Variants in GPRIN3 observed in about 807,000 individuals in gnomAD.
GPRIN3 encodes the protein GPRIN family member 3.
GPRIN3 carries 12 observed loss-of-function variants against 13.7 expected under a neutral mutation model. The ratio of observed to expected loss-of-function variants is 0.87; its 90% CI spans 0.56 to 1.42. The LOEUF is 1.42. Ranked by LOEUF, GPRIN3 falls within the 40% of genes most tolerant of loss-of-function variation. GPRIN3 has a pLI of 0.00. For synonymous variants in GPRIN3, 377 were observed against 372.7 expected (o/e 1.01, Z -0.13); for missense variants, 1,009 against 958.7 (o/e 1.05, Z -0.69).
intron 1 of GPRIN3, among the ~76,000 whole-genome samples, chr4:89,254,095 G>A (rs1046337781): frequency 1.0e-4 from 15 of 146,130 alleles, no homozygotes; most frequent in Non-Finnish European, 1.7e-4. Flanking sequence ...CAGACTTAAT[G>A]AGTCCCTTCT....
At chr4:89,303,706 A>G (rs759434595) in intron 1 of GPRIN3, among the ~76,000 whole-genome samples, 2 of 151,228 alleles carry the variant, frequency 1.3e-5, no homozygotes, top group Non-Finnish European at 2.9e-5. Flanking sequence ...TGGTTCCACT[A>G]CAGACACCGT....
chr4:89,279,976 G>A (rs772441821), intron 1 of GPRIN3, among the ~76,000 whole-genome samples: 11 of 152,072 alleles, frequency 7.2e-5, no homozygotes, highest in Non-Finnish European at 1.0e-4. Flanking sequence ...TATTGATATC[G>A]TAAATTAAAT....
intron 1 of GPRIN3, among the ~76,000 whole-genome samples, chr4:89,305,128 T>C (rs1045718480): frequency 6.6e-6 from 1 of 152,204 alleles, no homozygotes; most frequent in Non-Finnish European, 1.5e-5. Context: ...TGGATCCTGC[T>C]GCCCTCTCCA....
Position 89,238,913 on chromosome 4 carries a change from A to T in GPRIN3, c.*8867T>A, listed in dbSNP as rs1187662547. 2.0e-5 allele frequency: 3 copies of T among 152,174 alleles called. No individual in the cohort carries two copies. The highest frequency in any genetic ancestry group is 4.4e-5 in the Non-Finnish European group (3 of 68,022). 9.4% of individuals were successfully genotyped at this position (152,174 alleles called of 1,614,324 possible). ...GAGATGCAAAAAAATCATAATCTAAATTTTTTGATGGTAAAACTAAGTCAT... is the reference window on the plus strand; with the variant it reads ...GAGATGCAAAAAAATCATAATCTAATTTTTTTGATGGTAAAACTAAGTCAT... On this transcript the variant is annotated 3_prime_UTR_variant, in exon 2 of 2. Coordinates refer to ENST00000609438, the MANE Select transcript of GPRIN3 (RefSeq NM_198281.3).
At chr4:89,299,330 A>G (rs572790997) in intron 1 of GPRIN3, among the ~76,000 whole-genome samples, 4 of 152,260 alleles carry the variant, frequency 2.6e-5, no homozygotes, top group Admixed American at 2.6e-4. Flanking sequence ...ATTAATAATT[A>G]GATGAGGGGA....
intron 1 of GPRIN3, among the ~76,000 whole-genome samples, chr4:89,281,338 G>A (rs1490489770): frequency 2.0e-5 from 3 of 152,120 alleles, no homozygotes; most frequent in African/African-American, 4.8e-5. Context: ...TGGCCAGGCT[G>A]GTCTCGAACT....
At chr4:89,291,142 A>G (rs1277245767) in intron 1 of GPRIN3, among the ~76,000 whole-genome samples, 1 of 152,148 alleles carries the variant, frequency 6.6e-6, no homozygotes, top group Non-Finnish European at 1.5e-5. Context: ...CAGAACTAGG[A>G]GGACGCTATA....
rs1723037561 is a variant in GPRIN3, at chr4:89,244,614, T to C, written c.*3166A>G. 1 of 152,130 alleles carries C rather than the reference T, an allele frequency of 6.6e-6. No homozygotes were observed. Among genetic ancestry groups the C allele is most frequent in the Non-Finnish European group, 1.5e-5 (1 of 68,010 alleles). The allele number at this position is 152,130 out of a possible 1,614,324, so 9.4% of individuals were successfully genotyped here. A position where few individuals can be genotyped will look rare whatever the true frequency, so the allele number is the denominator to read the frequency against. ...AGTCAATAATCCAGAAATACATAAT[T>C]AGAAAAGCATTCAAGATAAACATAT... On this transcript the variant is annotated 3_prime_UTR_variant, in exon 2 of 2. Transcript: ENST00000609438.
At chr4:89,303,442 T>C (rs557723363) in intron 1 of GPRIN3, among the ~76,000 whole-genome samples, 2 of 152,174 alleles carry the variant, frequency 1.3e-5, no homozygotes, top group Non-Finnish European at 2.9e-5. Context: ...AGTAAATTAC[T>C]GCAAAATAAA....
chr4:89,298,857 T>A (rs893816849), intron 1 of GPRIN3, among the ~76,000 whole-genome samples: 2 of 152,070 alleles, frequency 1.3e-5, no homozygotes, highest in African/African-American at 4.8e-5. Context: ...GGAGCTGACA[T>A]GCTCTCAATC....
intron 1 of GPRIN3, among the ~76,000 whole-genome samples, chr4:89,284,671 A>G (rs894303431): frequency 1.1e-4 from 16 of 152,030 alleles, no homozygotes; most frequent in African/African-American, 3.9e-4. Context: ...CCCTTTTCTC[A>G]CCCTGAAATC....
At chr4:89,304,595 TTC>T (rs1175923557) in intron 1 of GPRIN3, among the ~76,000 whole-genome samples, 1 of 152,184 alleles carries the variant, frequency 6.6e-6, no homozygotes, top group Non-Finnish European at 1.5e-5. Context: ...CTGTAACTAT[TTC>T]TCTCATTTAA....
chr4:89,295,974 T>C (rs138690907), intron 1 of GPRIN3, among the ~76,000 whole-genome samples: 2 of 152,222 alleles, frequency 1.3e-5, no homozygotes, highest in African/African-American at 2.4e-5. Context: ...TTTTGTAGCA[T>C]ATATTTTTAA....
intron 1 of GPRIN3, among the ~76,000 whole-genome samples, chr4:89,263,363 A>T (rs1450551348): frequency 9.2e-5 from 14 of 152,118 alleles, no homozygotes; most frequent in Admixed American, 7.2e-4. Context: ...GCCAGGTGGG[A>T]GGGGGTCCCC....
chr4:89,247,799 G>C lies in GPRIN3; in HGVS notation c.2312C>G (p.Pro771Arg). 6.2e-7 allele frequency: 1 copy of C among 1,610,362 alleles called. No homozygotes were observed. ...TCCCTTTCAATCTAACACAGAAGAC[G>C]GGGCAGGACGGACGCAGCAGTTGGG... ...RRPNCCVRPA[P>R]SSVLD The change falls in exon 2 of 2, where the codon CCG (proline) becomes CGG (arginine). Residue 771 changes from proline (P) to arginine (R), a missense_variant. Coordinates refer to ENST00000609438, the MANE Select transcript of GPRIN3 (RefSeq NM_198281.3).
At chr4:89,304,993 G>T (rs1200078403) in intron 1 of GPRIN3, among the ~76,000 whole-genome samples, 1 of 152,064 alleles carries the variant, frequency 6.6e-6, no homozygotes, top group African/African-American at 2.4e-5. Flanking sequence ...GATATTTGAA[G>T]AATATAAATT....
Position 89,246,512 on chromosome 4 carries a change from C to T in GPRIN3, c.*1268G>A, listed in dbSNP as rs143150768. 9 of 152,330 alleles carry T rather than the reference C, an allele frequency of 5.9e-5. No individual in the cohort carries two copies. In the South Asian group the frequency reaches 1.5e-3, roughly 25 times the overall value. The allele number at this position is 152,330 out of a possible 1,614,324, so 9.4% of individuals were successfully genotyped here. On this transcript the variant is annotated 3_prime_UTR_variant, in exon 2 of 2. Transcript: ENST00000609438. ...GGGCCAAGGTCCCAGGAAGTATAATCCACCCAAATCACAAGCCATGTTTTC... is the reference window on the plus strand; with the variant it reads ...GGGCCAAGGTCCCAGGAAGTATAATTCACCCAAATCACAAGCCATGTTTTC...
In GPRIN3 at chr4:89,249,724, G is replaced by A. The variant is rs146127869; in HGVS notation, c.387C>T (p.Pro129=). ...RDLIHTPLTM[P]ANQHTCQSIP... is the part of the protein sequence containing the mutation. ...TGGACTGGCAGGTGTGCTGATTGGC[G>A]GGCATTGTCAATGGTGTGTGTATAA... Residue 129 remains proline (P), a synonymous_variant, in exon 2 of 2, where the codon CCC becomes CCT. Coordinates refer to ENST00000609438, the MANE Select transcript of GPRIN3 (RefSeq NM_198281.3). 2.3e-5 allele frequency: 37 copies of A among 1,614,054 alleles called. No homozygotes were observed. The highest frequency in any genetic ancestry group is 8.8e-5 in the South Asian group (8 of 91,090).
At position 89,248,234 on chromosome 4, in the gene GPRIN3, C is replaced by A. The variant is rs963445810; in HGVS notation, c.1877G>T (p.Arg626Leu). ...SPGSGKKTPS[R>L]SVKASPRRPS... Reference sequence around the variant, plus strand: ...CCTGCGTGGGCTGGCTTTGACGGAGCGAGATGGGGTCTTCTTGCCAGAACC... The same window carrying A: ...CCTGCGTGGGCTGGCTTTGACGGAGAGAGATGGGGTCTTCTTGCCAGAACC... Residue 626 changes from arginine (R) to leucine (L), a missense_variant, in exon 2 of 2, where the codon CGC (arginine) becomes CTC (leucine). Physicochemically the swap from Arg to Leu is moderately radical, Grantham distance 102 (BLOSUM62 -2). Coordinates refer to ENST00000609438, the MANE Select transcript of GPRIN3 (RefSeq NM_198281.3). The A allele has an allele frequency of 5.0e-6, 8 of 1,614,052 alleles. No homozygotes were observed. The African/African-American group carries it at 6.7e-5, about 13-fold the overall frequency.
Sources: gnomAD v4.1 joint callset for allele counts (sites outside exome capture counted in the v4.1 genomes callset) on GRCh38, gnomAD v4.1.1 for gene constraint, MANE v1.5 for transcripts, NCBI Gene and HGNC (gene_info 2026-07-23, HGNC 2026-07-21) for gene names.